The following THSD4 variants were observed in gnomAD, a reference collection of about 807,000 sequenced individuals.
THSD4 encodes thrombospondin type-1 domain-containing protein 4.
In THSD4, 69 loss-of-function variants were observed where a neutral mutation model predicts 119.0. That is an observed-to-expected ratio of 0.58 (90% CI 0.48 to 0.71). The LOEUF (loss-of-function observed/expected upper bound fraction) is 0.71. Among genes scored for constraint, THSD4 ranks in the 30% least tolerant of loss-of-function variants. The pLI is 0.00. For missense variants in THSD4, 1,393 were observed against 1,391.1 expected (o/e 1.00, Z -0.02); for synonymous variants, 524 against 540.4 (o/e 0.97, Z 0.42).
intron 8 of THSD4, 141 bp from the exon 9 acceptor site, chr15:71,728,408 A>G: frequency 1.0e-6 from 1 of 1,004,298 alleles, no homozygotes; most frequent in East Asian, 2.5e-5. Flanking sequence ...ATGGCGCCCC[A>G]GGGCCTGGAT....
At chr15:71,232,791 GA>G (rs1205042114) in intron 4 of THSD4, among the ~76,000 whole-genome samples, 1 of 152,182 alleles carries the variant, frequency 6.6e-6, no homozygotes, top group African/African-American at 2.4e-5. Context: ...GTCTTGGTTT[GA>G]ACTTTATTTT....
At chr15:71,182,862 G>T (rs537551288) in intron 3 of THSD4, among the ~76,000 whole-genome samples, 1 of 151,760 alleles carries the variant, frequency 6.6e-6, no homozygotes, top group Admixed American at 6.6e-5. Flanking sequence ...GGTTAGTTTG[G>T]AGAAACAGAG....
chr15:71,174,125 C>CT (rs1394004657), intron 3 of THSD4, among the ~76,000 whole-genome samples: 1 of 152,180 alleles, frequency 6.6e-6, no homozygotes, highest in Non-Finnish European at 1.5e-5. Flanking sequence ...TAAAAAGACA[C>CT]TATCGAGCAG....
At position 71,404,875 on chromosome 15, in the gene THSD4, TTTTC is replaced by T. The variant is rs1186646798; in HGVS notation, c.1016-6800_1016-6797del. On this transcript the variant is annotated intron_variant, in intron 6 of 17. Coordinates refer to ENST00000261862, the MANE Select transcript of THSD4 (RefSeq NM_024817.3). ...TCTTTTCTTTCTTTTCTTTCCTTTC[TTTTC>T]TTTCTTTCTTTTCTTTGCTTTTCTT... Among the ~76,000 whole-genome samples the T allele has an allele frequency of 3.5e-5, 5 of 142,610 alleles. No individual in the cohort carries two copies. In the South Asian group the frequency reaches 6.9e-4, roughly 20 times the overall value. 93.6% of individuals were successfully genotyped at this position (142,610 alleles called of 152,430 possible).
At chr15:71,180,298 C>G (rs1479835749) in intron 3 of THSD4, among the ~76,000 whole-genome samples, 1 of 151,850 alleles carries the variant, frequency 6.6e-6, no homozygotes, top group Non-Finnish European at 1.5e-5. Context: ...CAAAATTCAA[C>G]AACGAAGCAG....
intron 8 of THSD4, among the ~76,000 whole-genome samples, chr15:71,662,581 G>A (rs2140999653): frequency 6.6e-6 from 1 of 152,240 alleles, no homozygotes; most frequent in South Asian, 2.1e-4. Context: ...TTAGCTTTGT[G>A]TTGCTTTTAG....
At chr15:71,282,779 C>T (rs1484105347) in intron 6 of THSD4, among the ~76,000 whole-genome samples, 1 of 152,122 alleles carries the variant, frequency 6.6e-6, no homozygotes, top group African/African-American at 2.4e-5. Flanking sequence ...CCCCAACTAC[C>T]TGACTCCTCA....
intron 3 of THSD4, among the ~76,000 whole-genome samples, chr15:71,201,635 T>C (rs1456857832): frequency 6.6e-6 from 1 of 152,240 alleles, no homozygotes. Flanking sequence ...TTTCAACAAC[T>C]GCTAGCTCAG....
intron 6 of THSD4, among the ~76,000 whole-genome samples, chr15:71,387,653 T>C (rs2140462382): frequency 6.6e-6 from 1 of 152,354 alleles, no homozygotes; most frequent in Non-Finnish European, 1.5e-5. Flanking sequence ...GATACAACTT[T>C]CATCCCGAAC....
chr15:71,679,074 A>T (rs2051715404), intron 8 of THSD4, among the ~76,000 whole-genome samples: 1 of 152,206 alleles, frequency 6.6e-6, no homozygotes, highest in South Asian at 2.1e-4. Flanking sequence ...ATTTCAATGG[A>T]TATCTGTAAG....
chr15:71,385,870 G>A (rs781124270), intron 6 of THSD4, among the ~76,000 whole-genome samples: 7 of 152,108 alleles, frequency 4.6e-5, no homozygotes, highest in East Asian at 1.9e-4. Context: ...ATGGGGGTCC[G>A]GAAAGCTGCT....
intron 6 of THSD4, among the ~76,000 whole-genome samples, chr15:71,362,278 C>A (rs1217797252): frequency 6.6e-6 from 1 of 151,838 alleles, no homozygotes; most frequent in African/African-American, 2.4e-5. Context: ...GACTAAGTCT[C>A]AAAAAAAATT....
At position 71,544,563 on chromosome 15, in the gene THSD4, C is replaced by A. The variant is rs192575178; in HGVS notation, c.1153-115967C>A. ...CCTTCATGCATTGCTGGTGAGAATGCAAAATGGTGTCACCACTATGGAGAA... is the reference window on the plus strand; with the variant it reads ...CCTTCATGCATTGCTGGTGAGAATGAAAAATGGTGTCACCACTATGGAGAA... On this transcript the variant is annotated intron_variant, in intron 7 of 17. Coordinates refer to ENST00000261862, the MANE Select transcript of THSD4 (RefSeq NM_024817.3). Among the ~76,000 whole-genome samples, 11 of 152,206 alleles carry A rather than the reference C, an allele frequency of 7.2e-5. No homozygotes were observed. The South Asian group carries it at 8.3e-4, about 11-fold the overall frequency.
intron 11 of THSD4, among the ~76,000 whole-genome samples, chr15:71,741,926 C>T (rs1006190951): frequency 3.3e-5 from 5 of 152,206 alleles, no homozygotes; most frequent in African/African-American, 1.2e-4. Context: ...GTGGCAGCGG[C>T]CCGTGGAGGC....
intron 7 of THSD4, among the ~76,000 whole-genome samples, chr15:71,628,989 A>G (rs1306941868): frequency 6.6e-6 from 1 of 152,220 alleles, no homozygotes; most frequent in Non-Finnish European, 1.5e-5. Flanking sequence ...GCGAAGATAA[A>G]CAAGGCAGTT....
At chr15:71,676,353 C>T (rs567500293) in intron 8 of THSD4, among the ~76,000 whole-genome samples, 1 of 152,270 alleles carries the variant, frequency 6.6e-6, no homozygotes, top group South Asian at 2.1e-4. Context: ...ACGATCTCAG[C>T]TCACTGCAAC....
intron 7 of THSD4, among the ~76,000 whole-genome samples, chr15:71,647,028 C>T (rs1467413940): frequency 6.6e-6 from 1 of 152,134 alleles, no homozygotes; most frequent in Non-Finnish European, 1.5e-5. Flanking sequence ...CCTGAAACCA[C>T]AACATTTAGC....
intron 7 of THSD4, among the ~76,000 whole-genome samples, chr15:71,438,988 A>G (rs74022104): frequency 0.032 from 4,814 of 152,310 alleles, 237 homozygotes; most frequent in African/African-American, 0.11. Context: ...AAGCATTCCA[A>G]ATGACAAGAC....
intron 7 of THSD4, chr15:71,547,769 G>T: frequency 4.1e-6 from 1 of 244,030 alleles, no homozygotes. Flanking sequence ...CGCTTCTCCT[G>T]CTGTAGCAGA....
Sources: gnomAD v4.1 joint callset for allele counts (sites outside exome capture counted in the v4.1 genomes callset) on GRCh38, gnomAD v4.1.1 for gene constraint, MANE v1.5 for transcripts, NCBI Gene and HGNC (gene_info 2026-07-23, HGNC 2026-07-21) for gene names.